The following NOS1AP variants were observed in gnomAD, a reference collection of about 807,000 sequenced individuals.
NOS1AP encodes carboxyl-terminal PDZ ligand of neuronal nitric oxide synthase protein.
In NOS1AP, 21 loss-of-function variants were observed where a neutral mutation model predicts 56.2. The ratio of observed to expected loss-of-function variants is 0.37; its 90% CI spans 0.26 to 0.54. NOS1AP has a LOEUF of 0.54. Among genes scored for constraint, NOS1AP ranks in the 20% least tolerant of loss-of-function variants. NOS1AP has a pLI of 0.84. For synonymous variants in NOS1AP, 270 were observed against 274.6 expected, an observed-to-expected ratio of 0.98 and a Z score of 0.17; for missense variants, 522 against 657.8, an observed-to-expected ratio of 0.79 and a Z score of 2.26.
intron 6 of NOS1AP, 45 bp downstream of exon 6, chr1:162,344,021 C>G (rs375899166): frequency 2.7e-5 from 43 of 1,609,198 alleles, no homozygotes; most frequent in Non-Finnish European, 3.6e-5. Flanking sequence ...AGGCAGTGCA[C>G]ACAGTAGGCT....
chr1:162,308,838 A>G (rs1271118237), intron 4 of NOS1AP, among the ~76,000 whole-genome samples: 2 of 152,200 alleles, frequency 1.3e-5, no homozygotes, highest in Admixed American at 1.3e-4. Context: ...GTGTTACTTC[A>G]CTTAATCCCA....
At chr1:162,342,963 T>A (rs347282) in intron 5 of NOS1AP, among the ~76,000 whole-genome samples, 3 of 151,976 alleles carry the variant, frequency 2.0e-5, no homozygotes, top group Non-Finnish European at 4.4e-5. Flanking sequence ...GCTCTGAAAC[T>A]CTAAATAAAC....
chr1:162,253,707 C>G (rs1241070659), intron 2 of NOS1AP, among the ~76,000 whole-genome samples: 4 of 152,154 alleles, frequency 2.6e-5, no homozygotes, highest in African/African-American at 9.6e-5. Flanking sequence ...ATATAATGAT[C>G]TTTTGAGAAA....
chr1:162,089,348 T>C (rs1317451154), intron 1 of NOS1AP, among the ~76,000 whole-genome samples: 1 of 152,232 alleles, frequency 6.6e-6, no homozygotes, highest in Non-Finnish European at 1.5e-5. Context: ...ACTTGCTTTA[T>C]CCTACACTAC....
At chr1:162,179,137 C>G (rs990690138) in intron 2 of NOS1AP, among the ~76,000 whole-genome samples, 60 of 151,992 alleles carry the variant, frequency 3.9e-4, no homozygotes, top group African/African-American at 1.4e-3. Flanking sequence ...TTGTGTATCT[C>G]GTAGTTACTG....
At chr1:162,332,446 G>A (rs1305593983) in intron 4 of NOS1AP, among the ~76,000 whole-genome samples, 1 of 152,148 alleles carries the variant, frequency 6.6e-6, no homozygotes, top group Non-Finnish European at 1.5e-5. Flanking sequence ...CTGGGATAGT[G>A]CCTGGCCCAC....
intron 2 of NOS1AP, among the ~76,000 whole-genome samples, chr1:162,277,898 C>T (rs1321470314): frequency 6.6e-6 from 1 of 152,180 alleles, no homozygotes; most frequent in African/African-American, 2.4e-5. Context: ...ATACATGTCT[C>T]TAGTCTTTCC....
At chr1:162,321,731 A>ATAT (rs1553205807) in intron 4 of NOS1AP, among the ~76,000 whole-genome samples, 136 of 128,484 alleles carry the variant, frequency 1.1e-3, no homozygotes, top group African/African-American at 2.5e-3. Flanking sequence ...AAAAAAAAAA[A>ATAT]ATATATATAT....
intron 4 of NOS1AP, among the ~76,000 whole-genome samples, chr1:162,327,698 G>A (rs1202058079): frequency 3.3e-5 from 5 of 151,792 alleles, no homozygotes; most frequent in Admixed American, 2.6e-4. Context: ...TATAACAGAA[G>A]AAAAAAAACA....
intron 2 of NOS1AP, among the ~76,000 whole-genome samples, chr1:162,212,872 GC>G (rs11297235): frequency 1 from 152,171 of 152,172 alleles, 76,085 homozygotes; most frequent in Non-Finnish European, 1. Flanking sequence ...TGGAGTGAGT[GC>G]CCCCGGCACA....
intron 1 of NOS1AP, 112 bp downstream of exon 1, chr1:162,070,394 G>A (rs1691636256): frequency 4.7e-6 from 4 of 852,358 alleles, no homozygotes; most frequent in Non-Finnish European, 5.8e-6. Flanking sequence ...AGGCCGATTT[G>A]GGGGCCTTTC....
At chr1:162,227,362 G>A (rs1652980297) in intron 2 of NOS1AP, among the ~76,000 whole-genome samples, 1 of 152,106 alleles carries the variant, frequency 6.6e-6, no homozygotes, top group East Asian at 1.9e-4. Flanking sequence ...AAACACATAG[G>A]AACAATTTTA....
At chr1:162,081,804 A>G (rs1691902573) in intron 1 of NOS1AP, among the ~76,000 whole-genome samples, 1 of 73,610 alleles carries the variant, frequency 1.4e-5, no homozygotes, top group Non-Finnish European at 3.4e-5. Flanking sequence ...GGTTTTCACC[A>G]TGTTGCTCAG....
At chr1:162,164,477 C>T (rs546256936) in intron 2 of NOS1AP, among the ~76,000 whole-genome samples, 27 of 152,302 alleles carry the variant, frequency 1.8e-4, no homozygotes, top group Middle Eastern at 3.4e-3. Context: ...CAATGTTTTT[C>T]ATCCTTCCTA....
intron 1 of NOS1AP, among the ~76,000 whole-genome samples, chr1:162,136,915 T>C (rs1226820796): frequency 6.6e-6 from 1 of 152,148 alleles, no homozygotes; most frequent in African/African-American, 2.4e-5. Flanking sequence ...TCAACCAGAG[T>C]GCAGGTCAGA....
chr1:162,151,197 A>G (rs1308741378), intron 1 of NOS1AP, among the ~76,000 whole-genome samples: 1 of 152,254 alleles, frequency 6.6e-6, no homozygotes, highest in Non-Finnish European at 1.5e-5. Context: ...CAGTTTTCCC[A>G]GCACCATTTA....
chr1:162,338,403 T>C (rs945710126), intron 5 of NOS1AP, among the ~76,000 whole-genome samples: 8 of 152,212 alleles, frequency 5.3e-5, no homozygotes, highest in Non-Finnish European at 1.2e-4. Context: ...TTTGTACTTA[T>C]ACTCTCTACT....
chr1:162,227,524 C>T (rs1407022263), intron 2 of NOS1AP, among the ~76,000 whole-genome samples: 3 of 152,166 alleles, frequency 2.0e-5, no homozygotes. Context: ...GACCATGCTC[C>T]TTGCAAGTTG....
chr1:162,097,492 T>A (rs1425752011), intron 1 of NOS1AP, among the ~76,000 whole-genome samples: 18 of 152,250 alleles, frequency 1.2e-4, no homozygotes, highest in Admixed American at 1.2e-3. Flanking sequence ...TTCTTCTATA[T>A]CTTCTAAGGT....
Sources: allele counts gnomAD v4.1 joint callset (sites outside exome capture counted in the v4.1 genomes callset), GRCh38; gene constraint gnomAD v4.1.1; transcripts MANE v1.5; gene names NCBI Gene and HGNC (gene_info 2026-07-23, HGNC 2026-07-21).